The following GRIP1 variants were observed in gnomAD, a reference collection of about 807,000 sequenced individuals.
GRIP1 encodes the protein glutamate receptor interacting protein 1.
Under a neutral mutation model 129.9 loss-of-function variants are expected in GRIP1, and 45 were observed. That is an observed-to-expected ratio of 0.35 (90% confidence interval 0.27 to 0.44). The LOEUF (loss-of-function observed/expected upper bound fraction) is 0.44, where lower values mean the gene tolerates loss of function less well. Ranked by LOEUF, GRIP1 falls within the 20% of genes least tolerant of loss-of-function variation. The pLI is 1.00. For missense variants in GRIP1, 1,196 were observed against 1,396.8 expected, an observed-to-expected ratio of 0.86 and a Z score of 2.29; for synonymous variants, 530 against 520.8, an observed-to-expected ratio of 1.02 and a Z score of -0.24.
intron 1 of GRIP1, among the ~76,000 whole-genome samples, chr12:66,844,404 C>G (rs1182283716): frequency 6.6e-6 from 1 of 152,116 alleles, no homozygotes; most frequent in African/African-American, 2.4e-5. Flanking sequence ...ACCTTGGACC[C>G]ATTAGGATGG....
intron 4 of GRIP1, among the ~76,000 whole-genome samples, chr12:66,532,290 A>C (rs1168791768): frequency 6.6e-6 from 1 of 152,170 alleles, no homozygotes; most frequent in African/African-American, 2.4e-5. Flanking sequence ...TTTACTAATG[A>C]CTCATACATA....
At chr12:66,485,417 A>T (rs2059926184) in intron 7 of GRIP1, among the ~76,000 whole-genome samples, 1 of 150,978 alleles carries the variant, frequency 6.6e-6, no homozygotes, top group Non-Finnish European at 1.5e-5. Flanking sequence ...TATATATATA[A>T]TTTAAAAAAT....
At chr12:66,898,736 T>G (rs2040794459) in intron 1 of GRIP1, among the ~76,000 whole-genome samples, 1 of 152,168 alleles carries the variant, frequency 6.6e-6, no homozygotes, top group Admixed American at 6.5e-5. Flanking sequence ...ACAGATTTCT[T>G]TTTATGACAC....
intron 1 of GRIP1, among the ~76,000 whole-genome samples, chr12:66,930,556 G>T (rs547539698): frequency 9.2e-4 from 140 of 151,868 alleles, no homozygotes; most frequent in Admixed American, 2.2e-3. Flanking sequence ...GAATAATGCC[G>T]CAATAAACAT....
chr12:67,041,020 C>T (rs1183411155), intron 1 of GRIP1, among the ~76,000 whole-genome samples: 5 of 152,018 alleles, frequency 3.3e-5, no homozygotes, highest in African/African-American at 9.7e-5. Flanking sequence ...GGGGGAATTC[C>T]ACCAGCAGAC....
intron 1 of GRIP1, among the ~76,000 whole-genome samples, chr12:66,853,537 A>C (rs2039951515): frequency 6.6e-6 from 1 of 152,082 alleles, no homozygotes; most frequent in African/African-American, 2.4e-5. Flanking sequence ...CTGCTGCCGC[A>C]CAGGAGTTCT....
At chr12:66,750,084 T>C (rs927853158) in intron 1 of GRIP1, among the ~76,000 whole-genome samples, 9 of 152,074 alleles carry the variant, frequency 5.9e-5, no homozygotes, top group East Asian at 1.9e-4. Flanking sequence ...GTGTACACCA[T>C]AGGATGTGTT....
rs149015454 is a variant in GRIP1 at position 66,693,672 on chromosome 12, G to C, written c.-419-63336C>G. The stretch of plus-strand genomic sequence containing the variant: ...AAATTTATATGCTCACATGACAACT[G>C]CAAGTGGACCACGGACTCCCTAAAG... On this transcript the variant is annotated intron_variant, in intron 1 of 4. Transcript: ENST00000538373. Among the ~76,000 whole-genome samples, 347 of 152,178 alleles carry C rather than the reference G, an allele frequency of 2.3e-3. 1 individual carries two copies. Among genetic ancestry groups the C allele is most frequent in the Middle Eastern group, 6.8e-3 (2 of 294 alleles).
intron 1 of GRIP1, among the ~76,000 whole-genome samples, chr12:66,796,454 C>G (rs1376240329): frequency 6.6e-6 from 1 of 152,082 alleles, no homozygotes; most frequent in African/African-American, 2.4e-5. Flanking sequence ...GCCTCCTATC[C>G]AGATTATACA....
chr12:66,812,316 G>C (rs1396875303), intron 1 of GRIP1, among the ~76,000 whole-genome samples: 1 of 152,110 alleles, frequency 6.6e-6, no homozygotes, highest in Non-Finnish European at 1.5e-5. Context: ...TGTATTTTTA[G>C]TAGAGATGGG....
intron 1 of GRIP1, among the ~76,000 whole-genome samples, chr12:66,872,143 T>G (rs1252281): frequency 0.98 from 148,921 of 152,130 alleles, 72,967 homozygotes; most frequent in East Asian, 1. Context: ...CTAGGATACA[T>G]GCACCTGCAG....
intron 19 of GRIP1, among the ~76,000 whole-genome samples, chr12:66,389,093 A>G (rs982123777): frequency 5.9e-5 from 9 of 152,238 alleles, no homozygotes; most frequent in African/African-American, 2.2e-4. Context: ...AACAGAGAGA[A>G]TGTGCAGGGG....
intron 1 of GRIP1, among the ~76,000 whole-genome samples, chr12:67,059,418 C>G (rs943902520): frequency 6.6e-6 from 1 of 152,282 alleles, no homozygotes; most frequent in South Asian, 2.1e-4. Context: ...CCAAATGTGC[C>G]AAGTCCAGAG....
intron 2 of GRIP1, among the ~76,000 whole-genome samples, chr12:66,586,822 C>T (rs1303888772): frequency 6.6e-6 from 1 of 152,144 alleles, no homozygotes; most frequent in Admixed American, 6.5e-5. Flanking sequence ...CATTTCTTGC[C>T]TCAAATACTG....
chr12:66,491,515 G>T (rs549892047), intron 7 of GRIP1, among the ~76,000 whole-genome samples: 6 of 152,240 alleles, frequency 3.9e-5, no homozygotes, highest in Admixed American at 1.3e-4. Context: ...GCTTATAGAT[G>T]CTGGGCTTAA....
chr12:66,416,809 T>C (rs191211498), intron 15 of GRIP1, among the ~76,000 whole-genome samples: 3 of 152,218 alleles, frequency 2.0e-5, no homozygotes, highest in Non-Finnish European at 4.4e-5. Context: ...AAGGCTTCAC[T>C]GCTGAATTCT....
intron 1 of GRIP1, among the ~76,000 whole-genome samples, chr12:66,868,987 G>A (rs1162995164): frequency 1.3e-5 from 2 of 152,084 alleles, no homozygotes; most frequent in South Asian, 2.1e-4. Flanking sequence ...TCAGTAACCT[G>A]AACTTTCATG....
At chr12:66,426,281 G>A (rs192825763) in intron 14 of GRIP1, among the ~76,000 whole-genome samples, 4 of 152,152 alleles carry the variant, frequency 2.6e-5, no homozygotes, top group Admixed American at 2.6e-4. Flanking sequence ...TGGATGTTGT[G>A]TCATTTGTAC....
intron 1 of GRIP1, among the ~76,000 whole-genome samples, chr12:66,809,908 G>A (rs2039070699): frequency 6.6e-6 from 1 of 151,752 alleles, no homozygotes; most frequent in Non-Finnish European, 1.5e-5. Flanking sequence ...TGCCCACCTT[G>A]GCCTCCCAAA....
Sources: allele counts gnomAD v4.1 joint callset (sites outside exome capture counted in the v4.1 genomes callset), GRCh38; gene constraint gnomAD v4.1.1; transcripts MANE v1.5; gene names NCBI Gene and HGNC (gene_info 2026-07-23, HGNC 2026-07-21).